DEFB127: variants seen among roughly 807,000 people sequenced by gnomAD.
The protein encoded by DEFB127 is defensin beta 127.
In DEFB127, 2 loss-of-function variants were observed where a neutral mutation model predicts 2.4. The ratio of observed to expected loss-of-function variants is 0.82; its 90% confidence interval spans 0.34 to 2.58. The LOEUF is 2.58. DEFB127 is among the 30% of genes most tolerant of loss of function. The pLI, the probability that DEFB127 is intolerant of heterozygous loss-of-function variation, is 0.11. For synonymous variants in DEFB127, 37 were observed against 39.8 expected (o/e 0.93, Z 0.26); for missense variants, 110 against 113.2 (o/e 0.97, Z 0.13).
In DEFB127 at chr20:158,770, A is replaced by T. The variant is rs372540598; in HGVS notation, c.50-4A>T. On this transcript the variant is annotated splice_polypyrimidine_tract_variant and splice_region_variant and intron_variant, in intron 1 of 1. Coordinates refer to ENST00000382388, the MANE Select transcript of DEFB127 (RefSeq NM_139074.4). ...ATTGTTCTATTGCTCCTTTCTGTGTATAGTAACCGAACAACTTAAGAAGTG... is the reference window on the plus strand; with the variant it reads ...ATTGTTCTATTGCTCCTTTCTGTGTTTAGTAACCGAACAACTTAAGAAGTG... 5 of 1,608,676 alleles carry T rather than the reference A, an allele frequency of 3.1e-6. No homozygotes were observed. In the African/African-American group the frequency reaches 5.4e-5, roughly 17 times the overall value.
chr20:158,561 C>A (rs568794965), intron 1 of DEFB127, among the ~76,000 whole-genome samples: 2 of 152,164 alleles, frequency 1.3e-5, no homozygotes, highest in African/African-American at 4.8e-5. Flanking sequence ...TTAAGGGAGG[C>A]CTAAAACCTC....
rs1439346200 is a variant in DEFB127, at chr20:158,847, A to G, written c.123A>G (p.Glu41=). ...GCAGGAAAATCTGCAGAGTAAATGA[A>G]GTGCCTGAGGCACTATGTGAAAATG... ...GHCRKICRVN[E]VPEALCENGR... The change falls in exon 2 of 2, where the codon GAA becomes GAG. Residue 41 remains glutamate, a synonymous_variant. Coordinates refer to ENST00000382388, the MANE Select transcript of DEFB127 (RefSeq NM_139074.4). 3 of 1,613,636 alleles carry G rather than the reference A, an allele frequency of 1.9e-6. No homozygotes were observed. Among genetic ancestry groups the G allele is most frequent in the Non-Finnish European group, 1.7e-6 (2 of 1,179,778 alleles).
intron 1 of DEFB127, among the ~76,000 whole-genome samples, chr20:158,119 T>C (rs1016778658): frequency 6.6e-6 from 1 of 152,160 alleles, no homozygotes; most frequent in Admixed American, 6.6e-5. Flanking sequence ...TTTTATTAAA[T>C]GATATAACCT....
In DEFB127 at chr20:159,132, C is replaced by T. The variant is rs114156386; in HGVS notation, c.*108C>T. The T allele has an allele frequency of 5.3e-4, 671 of 1,273,866 alleles. 6 individuals carry two copies. The African/African-American group carries it at 8.9e-3, about 17-fold the overall frequency. 78.9% of individuals were successfully genotyped at this position (1,273,866 alleles called of 1,614,324 possible). ...GTTTCTTGATCCTTAAAATGACCTT[C>T]GAGCATATTCTAATAAAGTGCATTG... On this transcript the variant is annotated 3_prime_UTR_variant, in exon 2 of 2. Coordinates refer to ENST00000382388, the MANE Select transcript of DEFB127 (RefSeq NM_139074.4).
chr20:157,462 A>G lies in DEFB127; in HGVS notation c.-83A>G. ...ATCTGTTCTGGTTCAGTGCATAAGA[A>G]TCTAAGTCTCTGAGGAAGGTAGCAT... On this transcript the variant is annotated 5_prime_UTR_variant, in exon 1 of 2. Coordinates refer to ENST00000382388, the MANE Select transcript of DEFB127 (RefSeq NM_139074.4). 6.8e-7 allele frequency: 1 copy of G among 1,460,444 alleles called. No homozygotes were observed. Among genetic ancestry groups the G allele is most frequent in the Non-Finnish European group, 9.6e-7 (1 of 1,041,724 alleles). 90.5% of individuals were successfully genotyped at this position (1,460,444 alleles called of 1,614,324 possible). A position where few individuals can be genotyped will look rare whatever the true frequency, so the allele number is the denominator to read the frequency against.
chr20:159,064 T>C lies in DEFB127; in HGVS notation c.*40T>C, dbSNP rs752033875. ...CGTTTTCACTTGCTTCTCAACCTAG[T>C]CTAATAAACTAAGGTGATGAGATAT... On this transcript the variant is annotated 3_prime_UTR_variant, in exon 2 of 2. Transcript: ENST00000382388. 1.9e-6 allele frequency: 3 copies of C among 1,555,836 alleles called. No individual in the cohort carries two copies. Among genetic ancestry groups the C allele is most frequent in the Non-Finnish European group, 1.7e-6 (2 of 1,152,872 alleles).
rs1407463814 is a variant in DEFB127, at chr20:158,814, A to G, written c.90A>G (p.Gln30=). 6.2e-7 allele frequency: 1 copy of G among 1,613,562 alleles called. No homozygotes were observed. Among genetic ancestry groups the G allele is most frequent in the Non-Finnish European group, 8.5e-7 (1 of 1,179,644 alleles). Reference sequence around the variant, plus strand: ...AGAAGTGCTGGAATAACTATGTACAAGGACATTGCAGGAAAATCTGCAGAG... The same window carrying G: ...AGAAGTGCTGGAATAACTATGTACAGGGACATTGCAGGAAAATCTGCAGAG... ...QLKKCWNNYV[Q]GHCRKICRVN... is the part of the protein sequence containing the mutation. Residue 30 remains glutamine, a synonymous_variant, in exon 2 of 2, where the codon CAA becomes CAG. Transcript: ENST00000382388.
intron 1 of DEFB127, among the ~76,000 whole-genome samples, chr20:157,844 A>T (rs1396608757): frequency 1.3e-5 from 2 of 152,142 alleles, no homozygotes; most frequent in Admixed American, 1.3e-4. Context: ...GAAAGGAATG[A>T]TGCCAATATC....
At chr20:157,892 C>T (rs1270123587) in intron 1 of DEFB127, among the ~76,000 whole-genome samples, 2 of 151,454 alleles carry the variant, frequency 1.3e-5, no homozygotes, top group African/African-American at 4.9e-5. Context: ...GGTTTTTACT[C>T]TGATGCTCAG....
Position 159,158 on chromosome 20 carries a change from C to T in DEFB127, c.*134C>T, listed in dbSNP as rs765119847. ...GAGCATATTCTAATAAAGTGCATTGCCAGTTTTCTGTCTCATTTTGTTCTT... is the reference window on the plus strand; with the variant it reads ...GAGCATATTCTAATAAAGTGCATTGTCAGTTTTCTGTCTCATTTTGTTCTT... On this transcript the variant is annotated 3_prime_UTR_variant, in exon 2 of 2. Coordinates refer to ENST00000382388, the MANE Select transcript of DEFB127 (RefSeq NM_139074.4). 2.9e-6 allele frequency: 3 copies of T among 1,022,920 alleles called. No homozygotes were observed. Among genetic ancestry groups the T allele is most frequent in the South Asian group, 3.8e-5 (2 of 52,852 alleles). 63.4% of individuals were successfully genotyped at this position (1,022,920 alleles called of 1,614,324 possible).
intron 1 of DEFB127, among the ~76,000 whole-genome samples, chr20:158,120 G>C (rs1219512809): frequency 2.0e-5 from 3 of 152,124 alleles, no homozygotes; most frequent in Non-Finnish European, 4.4e-5. Context: ...TTTATTAAAT[G>C]ATATAACCTA....
At position 158,778 on chromosome 20, in the gene DEFB127, CGAACAACTTAAGAAGTGCTG is replaced by C. The variant is rs780827126; in HGVS notation, c.58_77del (p.Gln20Ter). On this transcript the variant is annotated frameshift_variant, in exon 2 of 2. Coordinates refer to ENST00000382388, the MANE Select transcript of DEFB127 (RefSeq NM_139074.4). LOFTEE classifies it low-confidence loss of function (END_TRUNC). ...ATTGCTCCTTTCTGTGTATAGTAAC[CGAACAACTTAAGAAGTGCTG>C]GAATAACTATGTACAAGGACATTGC... 6.2e-7 allele frequency: 1 copy of C among 1,609,622 alleles called. No individual in the cohort carries two copies. Among genetic ancestry groups the C allele is most frequent in the Admixed American group, 1.7e-5 (1 of 59,194 alleles).
At chr20:157,931 A>G (rs4100320) in intron 1 of DEFB127, among the ~76,000 whole-genome samples, 40 of 21,168 alleles carry the variant, frequency 1.9e-3, no homozygotes, top group Non-Finnish European at 5.0e-3. Flanking sequence ...AAATATATAT[A>G]TGTGTGTGTG....
rs1050779491 is a variant in DEFB127 at position 158,321 on chromosome 20, T to C, written c.50-453T>C. 2.0e-5 allele frequency among the ~76,000 whole-genome samples: 3 copies of C among 152,110 alleles called. No homozygotes were observed. The South Asian group carries it at 6.2e-4, about 32-fold the overall frequency. On this transcript the variant is annotated intron_variant, in intron 1 of 1. Coordinates refer to ENST00000382388, the MANE Select transcript of DEFB127 (RefSeq NM_139074.4). ...AGTCATTCTTGACCCTGATAGTGGGTTTGAACTCAGGAGAACAGTTTGATT... is the reference window on the plus strand; with the variant it reads ...AGTCATTCTTGACCCTGATAGTGGGCTTGAACTCAGGAGAACAGTTTGATT...
chr20:157,979 A>C (rs6077293), intron 1 of DEFB127, among the ~76,000 whole-genome samples: 44,403 of 151,400 alleles, frequency 0.29, 7,913 homozygotes, highest in East Asian at 0.52. Flanking sequence ...ATAGAGGAAG[A>C]AGCAAATTTT....
In DEFB127 at chr20:157,567, C is replaced by A. The variant is rs1393211935; in HGVS notation, c.23C>A (p.Ala8Glu). 6.2e-7 allele frequency: 1 copy of A among 1,613,944 alleles called. No homozygotes were observed. Among genetic ancestry groups the A allele is most frequent in the Non-Finnish European group, 8.5e-7 (1 of 1,179,908 alleles). The change falls in exon 1 of 2, where the codon GCA becomes GAA. Residue 8 changes from alanine to glutamate, a missense_variant. By Grantham distance (107) the Ala-to-Glu change is moderately radical. Coordinates refer to ENST00000382388, the MANE Select transcript of DEFB127 (RefSeq NM_139074.4). MGLFMII[A>E]ILLFQKPTVT... is the part of the protein sequence containing the mutation. ...GCCATGGGGCTCTTCATGATCATTG[C>A]AATTCTGCTGTTCCAGAAACCCACA...
chr20:158,849 T>C lies in DEFB127; in HGVS notation c.125T>C (p.Val42Ala), dbSNP rs1278468518. ...AGGAAAATCTGCAGAGTAAATGAAG[T>C]GCCTGAGGCACTATGTGAAAATGGG... ...HCRKICRVNEVPEALCENGRY... is the reference protein window; with the variant it reads ...HCRKICRVNEAPEALCENGRY... Residue 42 changes from valine to alanine, a missense_variant, in exon 2 of 2, where the codon GTG becomes GCG. Transcript: ENST00000382388. The C allele has an allele frequency of 1.9e-6, 3 of 1,613,698 alleles. No individual in the cohort carries two copies. Among genetic ancestry groups the C allele is most frequent in the Non-Finnish European group, 2.5e-6 (3 of 1,179,766 alleles).
chr20:158,137 G>T (rs2054710597), intron 1 of DEFB127, among the ~76,000 whole-genome samples: 1 of 152,092 alleles, frequency 6.6e-6, no homozygotes, highest in Non-Finnish European at 1.5e-5. Context: ...CCTATGTGAA[G>T]CTTGGCACAT....
In DEFB127 at chr20:158,961, G is replaced by A. The variant is rs1402082840; in HGVS notation, c.237G>A (p.Leu79=). The change falls in exon 2 of 2, where the codon CTG becomes CTA. Residue 79 remains leucine (L), a synonymous_variant. Coordinates refer to ENST00000382388, the MANE Select transcript of DEFB127 (RefSeq NM_139074.4). ...PPRPKPATLA[L]TLQDYVTIIE... ...GTCCAAAGCCAGCAACACTTGCACT[G>A]ACTCTTCAAGACTATGTTACAATAA... The A allele has an allele frequency of 1.2e-6, 2 of 1,613,152 alleles. No homozygotes were observed. Among genetic ancestry groups the A allele is most frequent in the Admixed American group, 3.3e-5 (2 of 59,790 alleles).
Sources: gnomAD v4.1 joint callset for allele counts (sites outside exome capture counted in the v4.1 genomes callset) on GRCh38, gnomAD v4.1.1 for gene constraint, MANE v1.5 for transcripts, NCBI Gene and HGNC (gene_info 2026-07-23, HGNC 2026-07-21) for gene names.